TRMT11: variants seen among roughly 807,000 people sequenced by gnomAD.
The protein encoded by TRMT11 is tRNA methyltransferase 11.
Under a neutral mutation model 62.8 loss-of-function variants are expected in TRMT11, and 53 were observed. The ratio of observed to expected loss-of-function variants is 0.84; its 90% CI spans 0.68 to 1.06. TRMT11 has a LOEUF of 1.06. Among genes scored for constraint, TRMT11 ranks in the 50% least tolerant of loss-of-function variants. The pLI is 0.00. For synonymous variants in TRMT11, 188 were observed against 190.3 expected, an observed-to-expected ratio of 0.99 and a Z score of 0.10; for missense variants, 556 against 553.4, an observed-to-expected ratio of 1.00 and a Z score of -0.05.
chr6:126,021,284 A>T lies in TRMT11; in HGVS notation c.1260+4A>T, dbSNP rs771045006. The T allele has an allele frequency of 2.5e-6, 4 of 1,613,238 alleles. No homozygotes were observed. The highest frequency in any genetic ancestry group is 4.5e-5 in the East Asian group (2 of 44,866). On this transcript the variant is annotated splice_donor_region_variant and intron_variant, in intron 12 of 12. Transcript: ENST00000334379. ...GGAAAAGGTGAAGAAATTTGAGGTA[A>T]ATTGCTTCAGTATTTTTGGGATAAA...
chr6:126,205,662 C>T (rs1332109522), downstream of TRMT11, among the ~76,000 whole-genome samples: 2 of 152,024 alleles, frequency 1.3e-5, no homozygotes, highest in Admixed American at 6.6e-5. Flanking sequence ...ATTTGGAAAA[C>T]ATCTATGTTC....
At chr6:126,027,049 G>T (rs1205769013) in intron 12 of TRMT11, among the ~76,000 whole-genome samples, 1 of 151,800 alleles carries the variant, frequency 6.6e-6, no homozygotes, top group Non-Finnish European at 1.5e-5. Context: ...CTCGTGATCC[G>T]CCAGCCTCGG....
chr6:126,171,860 G>A (rs756323065), intron 21 of TRMT11, among the ~76,000 whole-genome samples: 21 of 151,668 alleles, frequency 1.4e-4, no homozygotes, highest in Non-Finnish European at 2.4e-4. Context: ...CTAGGATTAC[G>A]GGCAGCCTGC....
chr6:126,140,328 A>G (rs1174728885), intron 21 of TRMT11, among the ~76,000 whole-genome samples: 2 of 152,034 alleles, frequency 1.3e-5, no homozygotes, highest in East Asian at 1.9e-4. Flanking sequence ...TTATTTGTCC[A>G]TGATTTCCTT....
At chr6:126,213,803 A>G in the TRMT11 span, among the ~76,000 whole-genome samples, 3 of 152,070 alleles carry the variant, frequency 2.0e-5, no homozygotes, top group Non-Finnish European at 4.4e-5. Context: ...CAGTAGTGAC[A>G]GTGGGCATCC....
the TRMT11 span, among the ~76,000 whole-genome samples, chr6:126,254,106 A>T: frequency 6.6e-6 from 1 of 152,200 alleles, no homozygotes; most frequent in Non-Finnish European, 1.5e-5. Flanking sequence ...ATTACCACTG[A>T]TATCAGGGAA....
chr6:126,138,125 T>C (rs1777874009), intron 21 of TRMT11, among the ~76,000 whole-genome samples: 1 of 151,880 alleles, frequency 6.6e-6, no homozygotes, highest in African/African-American at 2.4e-5. Context: ...AATGTTCCCA[T>C]CACAAAGAAA....
intron 21 of TRMT11, among the ~76,000 whole-genome samples, chr6:126,167,666 A>G (rs1032299231): frequency 3.3e-5 from 5 of 152,186 alleles, no homozygotes; most frequent in African/African-American, 9.7e-5. Context: ...GGAGAAGGCA[A>G]TGCTCTTATG....
chr6:126,090,309 G>A lies in TRMT11; in HGVS notation c.*1438-22557G>A, dbSNP rs1033342775. The stretch of plus-strand genomic sequence containing the variant: ...CCCCAGTGCTGAGCATAGAGTATAC[G>A]TTCAATAGACAGTTGGATGAACTTT... On this transcript the variant is annotated intron_variant and NMD_transcript_variant, in intron 17 of 22. Transcript: ENST00000648977. Among the ~76,000 whole-genome samples, 47 of 152,156 alleles carry A rather than the reference G, an allele frequency of 3.1e-4. 2 individuals carry two copies. The highest frequency in any genetic ancestry group is 9.7e-5 in the African/African-American group (4 of 41,438).
At chr6:126,022,833 G>C (rs1444265184) in intron 12 of TRMT11, among the ~76,000 whole-genome samples, 1 of 152,078 alleles carries the variant, frequency 6.6e-6, no homozygotes, top group Non-Finnish European at 1.5e-5. Flanking sequence ...GGATGTATAG[G>C]TATATGTGGT....
At chr6:126,077,656 A>G (rs1777057949) in intron 17 of TRMT11, among the ~76,000 whole-genome samples, 1 of 152,188 alleles carries the variant, frequency 6.6e-6, no homozygotes, top group Admixed American at 6.6e-5. Context: ...TCATGTTAGA[A>G]CAACATCTGT....
At chr6:126,147,407 C>A (rs1475187882) in intron 21 of TRMT11, among the ~76,000 whole-genome samples, 2 of 144,682 alleles carry the variant, frequency 1.4e-5, no homozygotes, top group Non-Finnish European at 3.1e-5. Context: ...GTGCACAATT[C>A]TGGAATTAAT....
At chr6:126,129,048 G>A (rs1387022542) in intron 21 of TRMT11, among the ~76,000 whole-genome samples, 2 of 151,610 alleles carry the variant, frequency 1.3e-5, no homozygotes, top group African/African-American at 2.4e-5. Flanking sequence ...GCTCTACCAC[G>A]AACTAGCAAT....
At chr6:126,219,701 A>G in the TRMT11 span, among the ~76,000 whole-genome samples, 2 of 152,166 alleles carry the variant, frequency 1.3e-5, no homozygotes, top group South Asian at 2.1e-4. Flanking sequence ...TTGACTAACA[A>G]CTGCCTCTCT....
chr6:126,224,785 C>G, the TRMT11 span, among the ~76,000 whole-genome samples: 16 of 152,182 alleles, frequency 1.1e-4, no homozygotes, highest in Non-Finnish European at 1.6e-4. Flanking sequence ...AAGGTTGGTG[C>G]ACATGCCAGT....
Position 126,058,491 on chromosome 6 carries a change from A to C in TRMT11, c.*1437+5301A>C, listed in dbSNP as rs112301074. Among the ~76,000 whole-genome samples, 206 of 152,338 alleles carry C rather than the reference A, an allele frequency of 1.4e-3. 2 individuals carry two copies. Among genetic ancestry groups the C allele is most frequent in the African/African-American group, 4.8e-3 (198 of 41,580 alleles). On this transcript the variant is annotated intron_variant and NMD_transcript_variant, in intron 17 of 22. Coordinates refer to the TRMT11 transcript ENST00000648977. Reference sequence around the variant, plus strand: ...TACCCAGTAATGGGATGGCTGGGTCAAATGGTATTTCTAGTTCTAGATCCT... The same window carrying C: ...TACCCAGTAATGGGATGGCTGGGTCCAATGGTATTTCTAGTTCTAGATCCT...
At chr6:126,042,533 A>T (rs1775909781), downstream of TRMT11, among the ~76,000 whole-genome samples, 1 of 152,154 alleles carries the variant, frequency 6.6e-6, no homozygotes, top group East Asian at 1.9e-4. Context: ...TGATATTAAG[A>T]TGTGCTTAGT....
chr6:126,201,246 A>G (rs1336828862), intron 3 of TRMT11, among the ~76,000 whole-genome samples: 8 of 152,366 alleles, frequency 5.3e-5, no homozygotes, highest in Admixed American at 1.3e-4. Context: ...TAAACAATAA[A>G]TGTTACATTT....
intron 1 of TRMT11, among the ~76,000 whole-genome samples, chr6:126,196,866 T>A (rs547394889): frequency 1.4e-3 from 218 of 152,256 alleles, no homozygotes; most frequent in African/African-American, 3.5e-3. Flanking sequence ...AAATTTTTTT[T>A]AAAAAACAAG....
Sources: gnomAD v4.1 joint callset for allele counts (sites outside exome capture counted in the v4.1 genomes callset) on GRCh38, gnomAD v4.1.1 for gene constraint, MANE v1.5 for transcripts, NCBI Gene and HGNC (gene_info 2026-07-23, HGNC 2026-07-21) for gene names.